Variants in JARID2 observed in about 807,000 individuals in gnomAD.
The protein encoded by JARID2 is jumonji and AT-rich interaction domain containing 2.
A neutral mutation model predicts 125.6 loss-of-function variants in JARID2; 21 were observed. That is an observed-to-expected ratio of 0.17 (90% CI 0.12 to 0.24). The LOEUF is 0.24. Ranked by LOEUF, JARID2 falls within the 10% of genes least tolerant of loss-of-function variation. The pLI is 1.00. For missense variants in JARID2, 1,303 were observed against 1,639.6 expected (o/e 0.79, Z 3.55); for synonymous variants, 736 against 661.6 (o/e 1.11, Z -1.73).
At chr6:15,275,018 TG>T (rs1760442207) in intron 1 of JARID2, among the ~76,000 whole-genome samples, 1 of 152,230 alleles carries the variant, frequency 6.6e-6, no homozygotes, top group Non-Finnish European at 1.5e-5. Context: ...AGAGCCCTTC[TG>T]GTTTCCCATT....
chr6:15,272,135 A>G (rs1233385052), intron 1 of JARID2, among the ~76,000 whole-genome samples: 1 of 152,230 alleles, frequency 6.6e-6, no homozygotes, highest in Non-Finnish European at 1.5e-5. Flanking sequence ...AAAAAAACGA[A>G]AAAACAGCAG....
chr6:15,453,601 A>G (rs1768017234), intron 4 of JARID2, among the ~76,000 whole-genome samples: 1 of 152,136 alleles, frequency 6.6e-6, no homozygotes, highest in African/African-American at 2.4e-5. Flanking sequence ...ATTCTTTGAA[A>G]CTAGTACATA....
chr6:15,461,754 C>A (rs1267539908), intron 4 of JARID2, among the ~76,000 whole-genome samples: 3 of 152,132 alleles, frequency 2.0e-5, no homozygotes, highest in Non-Finnish European at 4.4e-5. Context: ...AAAAATGTTT[C>A]GACTGAAGAC....
chr6:15,419,293 A>G (rs1471995463), intron 3 of JARID2, among the ~76,000 whole-genome samples: 2 of 152,226 alleles, frequency 1.3e-5, no homozygotes, highest in Non-Finnish European at 2.9e-5. Flanking sequence ...TAGAGTTATC[A>G]TGGGTGAAAT....
chr6:15,362,848 G>A (rs979485954), intron 1 of JARID2, among the ~76,000 whole-genome samples: 4 of 152,150 alleles, frequency 2.6e-5, no homozygotes, highest in African/African-American at 9.7e-5. Flanking sequence ...GTTTAAATAG[G>A]TATCCAAGGA....
intron 8 of JARID2, 139 bp downstream of exon 8, chr6:15,501,548 G>C: frequency 1.4e-6 from 1 of 736,374 alleles, no homozygotes; most frequent in Non-Finnish European, 2.1e-6. Context: ...TGTGCTGGGT[G>C]ATAGCGCTGT....
intron 3 of JARID2, among the ~76,000 whole-genome samples, chr6:15,430,297 T>C (rs1394417759): frequency 2.6e-5 from 4 of 152,244 alleles, no homozygotes; most frequent in South Asian, 2.1e-4. Flanking sequence ...TAAAATACCA[T>C]GTATGACCAC....
intron 1 of JARID2, among the ~76,000 whole-genome samples, chr6:15,330,783 C>G (rs981728323): frequency 6.6e-6 from 1 of 152,164 alleles, no homozygotes; most frequent in Non-Finnish European, 1.5e-5. Flanking sequence ...TTGTTTAATA[C>G]TGGGAAAGTC....
chr6:15,342,009 G>GT (rs36086995), intron 1 of JARID2, among the ~76,000 whole-genome samples: 2 of 128,562 alleles, frequency 1.6e-5, no homozygotes, highest in African/African-American at 6.6e-5. Context: ...AAAATAAAAA[G>GT]GGGGGGGACA....
At chr6:15,327,984 T>C (rs1762588278) in intron 1 of JARID2, among the ~76,000 whole-genome samples, 1 of 152,158 alleles carries the variant, frequency 6.6e-6, no homozygotes, top group South Asian at 2.1e-4. Flanking sequence ...AGAGAACCCC[T>C]ACCATCCCCA....
At chr6:15,437,436 T>A (rs1444026071) in intron 3 of JARID2, among the ~76,000 whole-genome samples, 3 of 152,168 alleles carry the variant, frequency 2.0e-5, no homozygotes, top group Non-Finnish European at 2.9e-5. Flanking sequence ...ACGCTTACAT[T>A]GTGGAAGTCC....
intron 1 of JARID2, among the ~76,000 whole-genome samples, chr6:15,335,381 T>C (rs1288441399): frequency 2.6e-5 from 4 of 152,162 alleles, no homozygotes; most frequent in Non-Finnish European, 5.9e-5. Flanking sequence ...ATTGCTGGTG[T>C]GAGCCACTGC....
chr6:15,521,091 A>AAAG lies in JARID2; in HGVS notation c.*840_*841insAAG, dbSNP rs57051407. 2 of 157,618 alleles carry AAAG rather than the reference A, an allele frequency of 1.3e-5. No individual in the cohort carries two copies. Among genetic ancestry groups the AAAG allele is most frequent in the African/African-American group, 2.5e-5 (1 of 39,410 alleles). 9.8% of individuals were successfully genotyped at this position (157,618 alleles called of 1,614,324 possible). On this transcript the variant is annotated 3_prime_UTR_variant, in exon 18 of 18. Coordinates refer to ENST00000341776, the MANE Select transcript of JARID2 (RefSeq NM_004973.4). The stretch of plus-strand genomic sequence containing the variant: ...AGATTTAAAAAAAAAAAAAAAAAAA[A>AAAG]GGAAAAAAAAGTGATGGAAGCCGTA...
At chr6:15,357,743 G>A (rs1581451246) in intron 1 of JARID2, among the ~76,000 whole-genome samples, 1 of 152,138 alleles carries the variant, frequency 6.6e-6, no homozygotes, top group East Asian at 1.9e-4. Flanking sequence ...AAACTCTTCT[G>A]TTTCTCCTGC....
intron 4 of JARID2, among the ~76,000 whole-genome samples, chr6:15,457,350 G>A (rs2127653022): frequency 6.6e-6 from 1 of 152,248 alleles, no homozygotes; most frequent in Middle Eastern, 3.4e-3. Flanking sequence ...TCTTACACCT[G>A]CATCCTAATT....
At chr6:15,497,335 T>C (rs1024788522) in intron 7 of JARID2, among the ~76,000 whole-genome samples, 165 bp downstream of exon 7, 1 of 152,134 alleles carries the variant, frequency 6.6e-6, no homozygotes, top group African/African-American at 2.4e-5. Context: ...CAGCCCTTCT[T>C]CCCAGGTCCT....
chr6:15,470,234 G>A (rs1441803685), intron 5 of JARID2, among the ~76,000 whole-genome samples: 1 of 151,996 alleles, frequency 6.6e-6, no homozygotes, highest in African/African-American at 2.4e-5. Context: ...TGGGAGTCAG[G>A]AGATATGGCT....
At chr6:15,509,579 C>CCCA (rs1771175882) in intron 12 of JARID2, among the ~76,000 whole-genome samples, 1 of 152,222 alleles carries the variant, frequency 6.6e-6, no homozygotes, top group African/African-American at 2.4e-5. Flanking sequence ...TGACAGGAGC[C>CCCA]TTGGGGCTTA....
intron 1 of JARID2, among the ~76,000 whole-genome samples, chr6:15,268,098 C>T (rs1339413011): frequency 6.6e-6 from 1 of 152,158 alleles, no homozygotes; most frequent in African/African-American, 2.4e-5. Context: ...TGACTCTTTC[C>T]TTCTCTGAAA....
Sources: gnomAD v4.1 joint callset for allele counts (sites outside exome capture counted in the v4.1 genomes callset) on GRCh38, gnomAD v4.1.1 for gene constraint, MANE v1.5 for transcripts, NCBI Gene and HGNC (gene_info 2026-07-23, HGNC 2026-07-21) for gene names.